CNGB1: variants seen among roughly 807,000 people sequenced by gnomAD.
The protein encoded by CNGB1 is cyclic nucleotide-gated channel beta-1.
A neutral mutation model predicts 151.7 loss-of-function variants in CNGB1; 126 were observed. The ratio of observed to expected loss-of-function variants is 0.83; its 90% CI spans 0.72 to 0.96. The LOEUF (loss-of-function observed/expected upper bound fraction) is 0.96. CNGB1 is among the 40% of genes least tolerant of loss of function. The pLI, the probability that CNGB1 is intolerant of heterozygous loss-of-function variation, is 0.00. For synonymous variants in CNGB1, 623 were observed against 635.1 expected, an observed-to-expected ratio of 0.98 and a Z score of 0.29; for missense variants, 1,698 against 1,627.0, an observed-to-expected ratio of 1.04 and a Z score of -0.75.
chr16:57,884,065 T>G lies in CNGB1; in HGVS notation c.*99A>C. ...CACGACTACGGAAAAGCATCTTCTC[T>G]TGAGCCGTGGGGGAAGGTGGGGCGC... On this transcript the variant is annotated 3_prime_UTR_variant, in exon 33 of 33. Transcript: ENST00000251102. 1 of 1,560,602 alleles carries G rather than the reference T, an allele frequency of 6.4e-7. No homozygotes were observed. Among genetic ancestry groups the G allele is most frequent in the Non-Finnish European group, 8.8e-7 (1 of 1,132,296 alleles).
intron 23 of CNGB1, 125 bp from the exon 24 acceptor site, chr16:57,913,119 T>G: frequency 1.2e-6 from 1 of 834,374 alleles, no homozygotes; most frequent in Admixed American, 2.0e-5. Flanking sequence ...ACGGTGAGCA[T>G]TCAATATCAG....
At chr16:57,969,568 T>C (rs1401769719) in intron 1 of CNGB1, among the ~76,000 whole-genome samples, 1 of 151,478 alleles carries the variant, frequency 6.6e-6, no homozygotes, top group Non-Finnish European at 1.5e-5. Flanking sequence ...CACTCAGCCA[T>C]TGCACTCCAG....
At chr16:57,934,633 C>G (rs1961454577) in intron 16 of CNGB1, among the ~76,000 whole-genome samples, 1 of 151,946 alleles carries the variant, frequency 6.6e-6, no homozygotes, top group South Asian at 2.1e-4. Flanking sequence ...TCAGATGGTA[C>G]AGACAAGGCA....
At chr16:57,932,933 G>A (rs574190396) in intron 16 of CNGB1, among the ~76,000 whole-genome samples, 1 of 151,618 alleles carries the variant, frequency 6.6e-6, no homozygotes, top group South Asian at 2.1e-4. Context: ...TTTGAGAAGG[G>A]GGGGCGGGTC....
intron 25 of CNGB1, among the ~76,000 whole-genome samples, chr16:57,906,073 C>T (rs537001490): frequency 6.6e-6 from 1 of 152,228 alleles, no homozygotes; most frequent in Non-Finnish European, 1.5e-5. Flanking sequence ...AGACACTGGG[C>T]AGTCCCTGCC....
chr16:57,953,131 A>C (rs1391379194), intron 12 of CNGB1, among the ~76,000 whole-genome samples: 1 of 152,146 alleles, frequency 6.6e-6, no homozygotes, highest in Non-Finnish European at 1.5e-5. Context: ...CCACCCTGGC[A>C]CACCACCTCC....
Position 57,950,434 on chromosome 16 carries a change from T to C in CNGB1, c.981A>G (p.Thr327=), listed in dbSNP as rs1261803489. ...CTTCTTCATAAGCTGGAACCACCTC[T>C]GTACCCTGTGGGCTGGTACTGACAT... ...HQDVSTSPQG[T]EVVPAYEEEN... Residue 327 remains threonine, a synonymous_variant, in exon 13 of 33, where the codon ACA becomes ACG. Transcript: ENST00000251102. The C allele has an allele frequency of 6.2e-7, 1 of 1,614,158 alleles. No individual in the cohort carries two copies. Among genetic ancestry groups the C allele is most frequent in the African/African-American group, 1.3e-5 (1 of 74,960 alleles).
At chr16:57,931,977 G>A (rs1961367215) in intron 16 of CNGB1, 99 bp from the exon 17 acceptor site, 1 of 1,322,904 alleles carries the variant, frequency 7.6e-7, no homozygotes, top group Non-Finnish European at 1.1e-6. Context: ...AAGCATGTTT[G>A]GAGGGGACTC....
intron 25 of CNGB1, among the ~76,000 whole-genome samples, chr16:57,908,402 G>A (rs1960615855): frequency 6.6e-6 from 1 of 152,250 alleles, no homozygotes; most frequent in South Asian, 2.1e-4. Context: ...CTGGACCACG[G>A]GCATTTTGTG....
chr16:57,884,870 G>A (rs1237606828), intron 32 of CNGB1, among the ~76,000 whole-genome samples: 1 of 152,120 alleles, frequency 6.6e-6, no homozygotes, highest in Non-Finnish European at 1.5e-5. Flanking sequence ...CTCCTGGAGT[G>A]GATGAGAAAA....
At chr16:57,906,148 C>T (rs1960544519) in intron 25 of CNGB1, among the ~76,000 whole-genome samples, 1 of 152,196 alleles carries the variant, frequency 6.6e-6, no homozygotes, top group Admixed American at 6.5e-5. Flanking sequence ...ACCAGGCTGG[C>T]TGGGCTCAGC....
rs368849134 is a variant in CNGB1 at position 57,955,077 on chromosome 16, T to C, written c.874+2264A>G. 337 of 1,350,304 alleles carry C rather than the reference T, an allele frequency of 2.5e-4. 1 individual carries two copies. The African/African-American group carries it at 4.7e-3, about 19-fold the overall frequency. 83.6% of individuals were successfully genotyped at this position (1,350,304 alleles called of 1,614,324 possible). On this transcript the variant is annotated intron_variant, in intron 12 of 32. Transcript: ENST00000251102. The stretch of plus-strand genomic sequence containing the variant: ...GGCCTTTTCCACAGCCCTCTGGGGG[T>C]AAGTCCTGCTGTCTAGCCTAAATCT...
intron 25 of CNGB1, among the ~76,000 whole-genome samples, chr16:57,907,621 C>T (rs1443280437): frequency 6.6e-6 from 1 of 152,216 alleles, no homozygotes; most frequent in Non-Finnish European, 1.5e-5. Flanking sequence ...AGGGTAAGCT[C>T]ACAGAGTTCA....
At chr16:57,916,082 C>T in intron 22 of CNGB1, 47 bp downstream of exon 22, 1 of 1,602,120 alleles carries the variant, frequency 6.2e-7, no homozygotes, top group African/African-American at 1.3e-5. Context: ...TGAGGCACCC[C>T]CTTCTGAAAC....
At chr16:57,904,463 C>T (rs1402987319) in intron 26 of CNGB1, among the ~76,000 whole-genome samples, 1 of 152,136 alleles carries the variant, frequency 6.6e-6, no homozygotes, top group African/African-American at 2.4e-5. Flanking sequence ...AGGGGCTTCT[C>T]CCTCGGTCTC....
intron 26 of CNGB1, 61 bp from the exon 27 acceptor site, chr16:57,904,042 C>T (rs1174195862): frequency 1.3e-6 from 2 of 1,538,756 alleles, no homozygotes; most frequent in Non-Finnish European, 8.9e-7. Context: ...GGGCGCTATT[C>T]CATGGATTTG....
At chr16:57,894,815 C>T (rs1186055587) in intron 31 of CNGB1, among the ~76,000 whole-genome samples, 1 of 152,024 alleles carries the variant, frequency 6.6e-6, no homozygotes, top group East Asian at 1.9e-4. Context: ...ATACTGAAAA[C>T]AAGAAAAAGT....
chr16:57,908,077 G>C (rs1960604167), intron 25 of CNGB1, among the ~76,000 whole-genome samples: 1 of 149,670 alleles, frequency 6.7e-6, no homozygotes, highest in South Asian at 2.1e-4. Flanking sequence ...TTTTTGTAGA[G>C]AGGGGGTCTC....
chr16:57,923,070 A>T (rs1961087653), intron 18 of CNGB1: 2 of 463,850 alleles, frequency 4.3e-6, no homozygotes, highest in Non-Finnish European at 8.0e-6. Flanking sequence ...CTGGGCCCAG[A>T]GGTTGAGCCC....
Sources: gnomAD v4.1 joint callset for allele counts (sites outside exome capture counted in the v4.1 genomes callset) on GRCh38, gnomAD v4.1.1 for gene constraint, MANE v1.5 for transcripts, NCBI Gene and HGNC (gene_info 2026-07-23, HGNC 2026-07-21) for gene names.